The following ERBB4 variants were observed in gnomAD, a reference collection of about 807,000 sequenced individuals.
The protein encoded by ERBB4 is receptor tyrosine-protein kinase erbB-4.
ERBB4 carries 42 observed loss-of-function variants against 158.0 expected under a neutral mutation model. The observed-to-expected ratio is 0.27, with a 90% CI of 0.21 to 0.34. ERBB4 has a LOEUF of 0.34. Among genes scored for constraint, ERBB4 ranks in the 10% least tolerant of loss-of-function variants. The pLI, the probability that ERBB4 is intolerant of heterozygous loss-of-function variation, is 1.00. For missense variants in ERBB4, 1,333 were observed against 1,624.1 expected (o/e 0.82, Z 3.08); for synonymous variants, 583 against 558.7 (o/e 1.04, Z -0.61).
intron 1 of ERBB4, among the ~76,000 whole-genome samples, chr2:212,324,752 C>T (rs530362204): frequency 6.6e-6 from 1 of 150,510 alleles, no homozygotes; most frequent in South Asian, 2.1e-4. Context: ...ATCAGGTTTT[C>T]TAAAGTGATA....
At chr2:211,477,218 T>C (rs2064976236) in intron 20 of ERBB4, among the ~76,000 whole-genome samples, 2 of 152,068 alleles carry the variant, frequency 1.3e-5, no homozygotes, top group South Asian at 4.1e-4. Flanking sequence ...AACTCTTCCC[T>C]TGGACTCCAG....
At chr2:212,460,821 A>T (rs1057431385) in intron 1 of ERBB4, among the ~76,000 whole-genome samples, 1 of 152,190 alleles carries the variant, frequency 6.6e-6, no homozygotes, top group Non-Finnish European at 1.5e-5. Flanking sequence ...TCGAATGTTA[A>T]TCACCAAGAC....
intron 13 of ERBB4, among the ~76,000 whole-genome samples, chr2:211,675,093 C>T (rs559528807): frequency 6.6e-6 from 1 of 152,242 alleles, no homozygotes; most frequent in South Asian, 2.1e-4. Flanking sequence ...TGACTTTCTC[C>T]ATAATTTCTC....
intron 10 of ERBB4, among the ~76,000 whole-genome samples, chr2:211,704,959 T>C (rs1428843435): frequency 6.6e-6 from 1 of 152,120 alleles, no homozygotes; most frequent in African/African-American, 2.4e-5. Context: ...TTTTGTTTTG[T>C]TTTTTGTTGT....
chr2:211,531,779 G>A (rs1467616341), intron 20 of ERBB4, among the ~76,000 whole-genome samples: 4 of 151,974 alleles, frequency 2.6e-5, no homozygotes, highest in Non-Finnish European at 5.9e-5. Flanking sequence ...AAAATGGGGT[G>A]CCATATGATC....
intron 20 of ERBB4, among the ~76,000 whole-genome samples, chr2:211,516,340 T>G (rs1014404648): frequency 1.3e-5 from 2 of 151,612 alleles, no homozygotes; most frequent in African/African-American, 2.4e-5. Context: ...TTTTTCTTTT[T>G]TTTTTCTTTT....
intron 3 of ERBB4, among the ~76,000 whole-genome samples, chr2:211,843,436 C>CACACAG (rs1260259534): frequency 6.6e-6 from 1 of 151,882 alleles, no homozygotes; most frequent in African/African-American, 2.4e-5. Context: ...CACACACACA[C>CACACAG]AGCATCAAAC....
chr2:211,462,047 T>C (rs1207655252), intron 20 of ERBB4, among the ~76,000 whole-genome samples: 1 of 151,914 alleles, frequency 6.6e-6, no homozygotes, highest in Non-Finnish European at 1.5e-5. Context: ...TGACTCAATA[T>C]AAAGAAAAGA....
chr2:211,978,627 G>T (rs1264538152), intron 2 of ERBB4, among the ~76,000 whole-genome samples: 1 of 152,088 alleles, frequency 6.6e-6, no homozygotes, highest in Non-Finnish European at 1.5e-5. Context: ...TTCTGATCAA[G>T]AATATCTATT....
chr2:211,998,178 TATA>T lies in ERBB4; in HGVS notation c.235-50565_235-50563del, dbSNP rs534928544. ...TGCACATGTACCCTAAAACTTAAAG[TATA>T]ATAATAAAAAAAATGAAACCACCAA... is the stretch of plus-strand genomic sequence containing the variant. On this transcript the variant is annotated intron_variant, in intron 2 of 27. Transcript: ENST00000342788. Among the ~76,000 whole-genome samples, 722 of 151,826 alleles carry T rather than the reference TATA, an allele frequency of 4.8e-3. 5 individuals are homozygous for T. The highest frequency in any genetic ancestry group is 0.016 in the African/African-American group (671 of 41,434).
rs36108369 is a variant in ERBB4 at position 211,413,309 on chromosome 2, A to AACACACAC, written c.3135+7124_3135+7131dup. On this transcript the variant is annotated intron_variant, in intron 25 of 27. Coordinates refer to ENST00000342788, the MANE Select transcript of ERBB4 (RefSeq NM_005235.3). ...GGACAGAGAGAGACCCTGTCTTAAA[A>AACACACAC]ACACACACACACACACACACACACA... 1.9e-3 allele frequency among the ~76,000 whole-genome samples: 180 copies of AACACACAC among 94,574 alleles called. 8 individuals carry two copies. The highest frequency in any genetic ancestry group is 6.6e-3 in the African/African-American group (173 of 26,050). 62.0% of individuals were successfully genotyped at this position (94,574 alleles called of 152,430 possible). A position where few individuals can be genotyped will look rare whatever the true frequency, so the allele number is the denominator to read the frequency against.
At chr2:212,381,252 A>AT (rs1165304701) in intron 1 of ERBB4, among the ~76,000 whole-genome samples, 5 of 151,366 alleles carry the variant, frequency 3.3e-5, no homozygotes, top group Admixed American at 6.6e-5. Flanking sequence ...AAAAAGTTAG[A>AT]TAAAAAGTCA....
At chr2:212,279,005 T>C (rs1425489540) in intron 1 of ERBB4, among the ~76,000 whole-genome samples, 1 of 151,600 alleles carries the variant, frequency 6.6e-6, no homozygotes, top group East Asian at 1.9e-4. Context: ...AATTTCACAC[T>C]TTGTTAGGAA....
At chr2:212,295,498 A>T (rs146123790) in intron 1 of ERBB4, among the ~76,000 whole-genome samples, 2 of 152,206 alleles carry the variant, frequency 1.3e-5, no homozygotes, top group African/African-American at 4.8e-5. Context: ...ATGCATATGC[A>T]CTTACTCTTT....
At chr2:212,192,162 T>A in intron 1 of ERBB4, among the ~76,000 whole-genome samples, 1 of 115,908 alleles carries the variant, frequency 8.6e-6, no homozygotes, top group Admixed American at 1.1e-4. Flanking sequence ...TATTATATTA[T>A]ATGTGTTATA....
chr2:211,912,256 T>G lies in ERBB4; in HGVS notation c.421+35174A>C, dbSNP rs528376639. On this transcript the variant is annotated intron_variant, in intron 3 of 27. Coordinates refer to ENST00000342788, the MANE Select transcript of ERBB4 (RefSeq NM_005235.3). ...TAGGCAGGTGAAGAAATGAGTCTTGTTTTTGTTCTGTACCTGGAAGACAAG... is the reference window on the plus strand; with the variant it reads ...TAGGCAGGTGAAGAAATGAGTCTTGGTTTTGTTCTGTACCTGGAAGACAAG... Among the ~76,000 whole-genome samples, 9 of 152,266 alleles carry G rather than the reference T, an allele frequency of 5.9e-5. No homozygotes were observed. The East Asian group carries it at 1.5e-3, about 26-fold the overall frequency.
At chr2:211,856,417 G>A (rs1056697415) in intron 3 of ERBB4, among the ~76,000 whole-genome samples, 1 of 133,806 alleles carries the variant, frequency 7.5e-6, no homozygotes, top group African/African-American at 2.8e-5. Flanking sequence ...ATGGAGTCTC[G>A]CTCTGTCGCC....
chr2:212,232,740 C>G (rs763084337), intron 1 of ERBB4, among the ~76,000 whole-genome samples: 2 of 152,092 alleles, frequency 1.3e-5, no homozygotes, highest in East Asian at 3.9e-4. Flanking sequence ...TGGAAGTGAA[C>G]AGAATCTCAC....
chr2:212,426,832 G>C (rs1272139552), intron 1 of ERBB4, among the ~76,000 whole-genome samples: 1 of 152,034 alleles, frequency 6.6e-6, no homozygotes, highest in Non-Finnish European at 1.5e-5. Context: ...GTGAGACAGA[G>C]GGCTCGGGGT....
Sources: allele counts gnomAD v4.1 joint callset (sites outside exome capture counted in the v4.1 genomes callset), GRCh38; gene constraint gnomAD v4.1.1; transcripts MANE v1.5; gene names NCBI Gene and HGNC (gene_info 2026-07-23, HGNC 2026-07-21).